Variants in BIN1 observed in about 807,000 individuals in gnomAD.
BIN1 encodes the protein myc box-dependent-interacting protein 1.
In BIN1, 53 loss-of-function variants were observed where a neutral mutation model predicts 82.0. The ratio of observed to expected loss-of-function variants is 0.65; its 90% CI spans 0.52 to 0.81. The LOEUF (loss-of-function observed/expected upper bound fraction) is 0.81, where lower values mean the gene tolerates loss of function less well. Ranked by LOEUF, BIN1 falls within the 40% of genes least tolerant of loss-of-function variation. The pLI is 0.00. For synonymous variants in BIN1, 302 were observed against 328.0 expected, an observed-to-expected ratio of 0.92 and a Z score of 0.86; for missense variants, 642 against 784.4, an observed-to-expected ratio of 0.82 and a Z score of 2.17.
At chr2:127,073,900 C>G (rs533693442) in intron 2 of BIN1, among the ~76,000 whole-genome samples, 20 of 152,274 alleles carry the variant, frequency 1.3e-4, no homozygotes, top group African/African-American at 4.6e-4. Context: ...AAGCAGGCCC[C>G]CATGGGCTCT....
chr2:127,083,657 G>A (rs1415174352), intron 1 of BIN1, among the ~76,000 whole-genome samples: 1 of 152,188 alleles, frequency 6.6e-6, no homozygotes, highest in East Asian at 1.9e-4. Context: ...TCTGGGTCTA[G>A]GATCCAACTG....
intron 2 of BIN1, among the ~76,000 whole-genome samples, chr2:127,072,597 G>A (rs1406759188): frequency 2.7e-5 from 4 of 149,634 alleles, no homozygotes; most frequent in African/African-American, 7.5e-5. Flanking sequence ...CACATAAGAT[G>A]TATAATTTAA....
intron 1 of BIN1, among the ~76,000 whole-genome samples, chr2:127,079,211 C>T (rs959897391): frequency 9.2e-5 from 14 of 152,236 alleles, no homozygotes; most frequent in African/African-American, 1.4e-4. Context: ...GAGAACGAGA[C>T]ACCAGCCCAG....
chr2:127,053,798 G>A (rs961218507), intron 13 of BIN1, 107 bp downstream of exon 13: 10 of 1,090,890 alleles, frequency 9.2e-6, no homozygotes, highest in Non-Finnish European at 1.4e-5. Flanking sequence ...CAGGGGAAGG[G>A]CAGTGACCCA....
At chr2:127,076,494 A>T (rs996058591) in intron 2 of BIN1, 132 bp downstream of exon 2, 2 of 1,048,188 alleles carry the variant, frequency 1.9e-6, no homozygotes, top group Non-Finnish European at 3.0e-6. Flanking sequence ...AGGAAGTCTT[A>T]CATGATCTTG....
At position 127,059,050 on chromosome 2, in the gene BIN1, C is replaced by A. The variant is rs761397678; in HGVS notation, c.963G>T (p.Gly321=). 6.4e-7 allele frequency: 1 copy of A among 1,571,588 alleles called. No individual in the cohort carries two copies. Among genetic ancestry groups the A allele is most frequent in the South Asian group, 1.2e-5 (1 of 85,682 alleles). The change falls in exon 11 of 19, where the codon GGG becomes GGT. Residue 321 remains glycine, a synonymous_variant. Transcript: ENST00000316724. This position sits in a 1 kb window ranked among gnomAD's most constrained non-coding sequence, Gnocchi z 6.7. The part of the protein sequence containing the change: ...RVNHEPEPAG[G]ATPGATLPKS... ...TGGGGAGGGTGGCCCCGGGCGTGGCCCCGCCGGCCGGCTCTGGCTCGTGGT... is the reference window on the plus strand; with the variant it reads ...TGGGGAGGGTGGCCCCGGGCGTGGCACCGCCGGCCGGCTCTGGCTCGTGGT...
rs1008858026 is a variant in BIN1 at position 127,059,077 on chromosome 2, G to T, written c.936C>A (p.Val312=). 6.3e-7 allele frequency: 1 copy of T among 1,589,880 alleles called. No homozygotes were observed. Among genetic ancestry groups the T allele is most frequent in the Non-Finnish European group, 8.6e-7 (1 of 1,168,990 alleles). ...CGCCGGCCGGCTCTGGCTCGTGGTT[G>T]ACTCTGATCTCGGGGGTGGCGGCAG... ...GSPAATPEIR[V]NHEPEPAGGA... is the part of the protein sequence containing the mutation. The change falls in exon 11 of 19, where the codon GTC becomes GTA. Residue 312 remains valine, a synonymous_variant. Coordinates refer to ENST00000316724, the MANE Select transcript of BIN1 (RefSeq NM_139343.3). This position sits in a 1 kb window ranked among gnomAD's most constrained non-coding sequence, Gnocchi z 6.7.
At chr2:127,055,526 CT>C (rs775982106) in intron 12 of BIN1, 6 of 152,258 alleles carry the variant, frequency 3.9e-5, no homozygotes, top group Non-Finnish European at 7.3e-5. Flanking sequence ...CCGGCCGTCT[CT>C]GAAGGAGCCC....
At chr2:127,097,508 T>C (rs998544826) in intron 1 of BIN1, among the ~76,000 whole-genome samples, 1 of 152,016 alleles carries the variant, frequency 6.6e-6, no homozygotes, top group African/African-American at 2.4e-5. Flanking sequence ...TACAGGATGT[T>C]TTCCACCTGC....
chr2:127,092,986 T>TA (rs5834164), intron 1 of BIN1, among the ~76,000 whole-genome samples: 282 of 131,794 alleles, frequency 2.1e-3, no homozygotes, highest in East Asian at 3.3e-3. Flanking sequence ...CCAATCCCTC[T>TA]AAAAAAAAAA....
Position 127,070,835 on chromosome 2 carries a change from G to A in BIN1, c.166-19C>T, listed in dbSNP as rs1386498609. 1 of 1,609,278 alleles carries A rather than the reference G, an allele frequency of 6.2e-7. No homozygotes were observed. Among genetic ancestry groups the A allele is most frequent in the Non-Finnish European group, 8.5e-7 (1 of 1,178,856 alleles). The stretch of plus-strand genomic sequence containing the variant: ...CCTCCGTCTGCAAAGAGAAGGACAA[G>A]GACCAGGTCAGGGACTGGTGGCACA... On this transcript the variant is annotated intron_variant, in intron 2 of 18. Transcript: ENST00000316724.
intron 1 of BIN1, 88 bp downstream of exon 1, chr2:127,106,772 G>C: frequency 1.4e-6 from 2 of 1,480,104 alleles, no homozygotes; most frequent in Non-Finnish European, 1.8e-6. Flanking sequence ...CGAAGGACCA[G>C]GCCCCGGGGT....
chr2:127,053,452 G>A lies in BIN1; in HGVS notation c.1240-7C>T, dbSNP rs746676469. 40 of 1,613,606 alleles carry A rather than the reference G, an allele frequency of 2.5e-5. No homozygotes were observed. The highest frequency in any genetic ancestry group is 6.6e-5 in the South Asian group (6 of 90,976). Reference sequence around the variant, plus strand: ...AGAGGTCCCATGGAATTGACTGAGCGCAGCAGTGAGGGCGAGAAGGACAGT... The same window carrying A: ...AGAGGTCCCATGGAATTGACTGAGCACAGCAGTGAGGGCGAGAAGGACAGT... On this transcript the variant is annotated splice_polypyrimidine_tract_variant and splice_region_variant and intron_variant, in intron 13 of 18. Coordinates refer to ENST00000316724, the MANE Select transcript of BIN1 (RefSeq NM_139343.3).
intron 1 of BIN1, among the ~76,000 whole-genome samples, chr2:127,087,570 AG>A (rs1411520080): frequency 6.6e-6 from 1 of 152,112 alleles, no homozygotes; most frequent in Non-Finnish European, 1.5e-5. Context: ...TCAGGCTGGG[AG>A]GGGGCTGGGG....
chr2:127,082,659 T>C lies in BIN1; in HGVS notation c.85-5953A>G, dbSNP rs1480071391. 5.3e-5 allele frequency among the ~76,000 whole-genome samples: 8 copies of C among 152,222 alleles called. No individual in the cohort carries two copies. Among genetic ancestry groups the C allele is most frequent in the Non-Finnish European group, 1.2e-4 (8 of 67,994 alleles). ...TCTGAGGACAGTCCCGCAGATCCCA[T>C]AGTCACCTAGTTCCCCAGCACACAA... On this transcript the variant is annotated intron_variant, in intron 1 of 18. Coordinates refer to ENST00000316724, the MANE Select transcript of BIN1 (RefSeq NM_139343.3). This position sits in a 1 kb window ranked among gnomAD's most constrained non-coding sequence, Gnocchi z 6.1.
At chr2:127,060,356 C>T (rs1425666710) in intron 10 of BIN1, among the ~76,000 whole-genome samples, 1 of 152,226 alleles carries the variant, frequency 6.6e-6, no homozygotes, top group Non-Finnish European at 1.5e-5. Context: ...ACCACCAGGG[C>T]TAGACAAGTG....
At chr2:127,076,506 C>T in intron 2 of BIN1, 120 bp downstream of exon 2, 1 of 1,154,160 alleles carries the variant, frequency 8.7e-7, no homozygotes, top group Non-Finnish European at 1.3e-6. Flanking sequence ...ATGATCTTGT[C>T]AGCCCACACT....
intron 2 of BIN1, among the ~76,000 whole-genome samples, chr2:127,075,648 CTGCTCCCAGCCCTCTCCCAGAA>C (rs995926219): frequency 2.0e-5 from 3 of 152,168 alleles, no homozygotes; most frequent in Non-Finnish European, 4.4e-5. Flanking sequence ...CCTCTCCCCT[CTGCTCCCAGCCCTCTCCCAGAA>C]TGCTCCCAGC....
At chr2:127,063,899 C>T in intron 8 of BIN1, 34 bp downstream of exon 8, 1 of 1,612,472 alleles carries the variant, frequency 6.2e-7, no homozygotes, top group Non-Finnish European at 8.5e-7. Context: ...CTGGACACTG[C>T]CCCACGCAGG....
Sources: allele counts gnomAD v4.1 joint callset (sites outside exome capture counted in the v4.1 genomes callset), GRCh38; gene constraint gnomAD v4.1.1; non-coding constraint Gnocchi (gnomAD v3.1); transcripts MANE v1.5; gene names NCBI Gene and HGNC (gene_info 2026-07-23, HGNC 2026-07-21).